Variants in SAMMSON observed in about 807,000 individuals in gnomAD.
The protein encoded by SAMMSON is long intergenic non-protein coding RNA 1212.
intron 4 of SAMMSON, among the ~76,000 whole-genome samples, chr3:70,136,150 G>A (rs553045683): frequency 6.6e-6 from 1 of 152,306 alleles, no homozygotes; most frequent in East Asian, 1.9e-4. Flanking sequence ...TGGGGAACGT[G>A]TGTAGTTGCC....
intron 9 of SAMMSON, among the ~76,000 whole-genome samples, chr3:70,371,914 T>C (rs1396721281): frequency 6.6e-6 from 1 of 152,140 alleles, no homozygotes; most frequent in Non-Finnish European, 1.5e-5. Flanking sequence ...TTTGTTCCAG[T>C]TCTTTGAAGA....
intron 4 of SAMMSON, among the ~76,000 whole-genome samples, chr3:70,159,320 C>T (rs2106692013): frequency 6.6e-6 from 1 of 151,672 alleles, no homozygotes; most frequent in Non-Finnish European, 1.5e-5. Flanking sequence ...TGCTATCCCT[C>T]CCCCATCCCC....
At chr3:70,330,621 A>G (rs955360719) in intron 7 of SAMMSON, among the ~76,000 whole-genome samples, 3 of 152,086 alleles carry the variant, frequency 2.0e-5, no homozygotes. Flanking sequence ...ACCCTGCTTG[A>G]TAATTATGTC....
At chr3:70,263,536 A>T (rs1166738778) in intron 6 of SAMMSON, among the ~76,000 whole-genome samples, 2 of 152,132 alleles carry the variant, frequency 1.3e-5, no homozygotes, top group East Asian at 3.9e-4. Context: ...AGATCTCTGG[A>T]AAATGTTTGG....
intron 4 of SAMMSON, among the ~76,000 whole-genome samples, chr3:70,153,767 A>G (rs139281576): frequency 3.1e-4 from 47 of 152,110 alleles, no homozygotes; most frequent in Middle Eastern, 3.4e-3. Context: ...ATGCATTCAC[A>G]CTGTTGTGCA....
At chr3:70,273,937 C>T (rs1701997702) in intron 6 of SAMMSON, among the ~76,000 whole-genome samples, 1 of 152,094 alleles carries the variant, frequency 6.6e-6, no homozygotes, top group Non-Finnish European at 1.5e-5. Context: ...AGAGCAGCCA[C>T]AGGCACACAG....
At chr3:70,309,679 A>C (rs1402349505) in intron 7 of SAMMSON, among the ~76,000 whole-genome samples, 2 of 152,126 alleles carry the variant, frequency 1.3e-5, no homozygotes. Flanking sequence ...TTTTCTTAAC[A>C]TTGAAAAAAA....
intron 7 of SAMMSON, among the ~76,000 whole-genome samples, chr3:70,340,581 G>A (rs1391225889): frequency 6.6e-6 from 1 of 151,960 alleles, no homozygotes; most frequent in Non-Finnish European, 1.5e-5. Flanking sequence ...GGGAACATGG[G>A]ATTTTATTGT....
intron 6 of SAMMSON, among the ~76,000 whole-genome samples, chr3:70,274,969 G>T (rs1255944329): frequency 6.6e-6 from 1 of 152,062 alleles, no homozygotes; most frequent in Admixed American, 6.6e-5. Context: ...ATTACTGTTT[G>T]AAACTATTTA....
intron 4 of SAMMSON, among the ~76,000 whole-genome samples, chr3:70,109,338 C>G (rs1422071991): frequency 4.6e-5 from 7 of 152,148 alleles, no homozygotes; most frequent in African/African-American, 1.7e-4. Context: ...TTCTCTCAGT[C>G]ATTTCCCCTA....
intron 6 of SAMMSON, among the ~76,000 whole-genome samples, chr3:70,252,582 C>T (rs2106653070): frequency 6.6e-6 from 1 of 152,244 alleles, no homozygotes; most frequent in African/African-American, 2.4e-5. Context: ...GGCCAGATAA[C>T]AGGAATGAGA....
At chr3:70,057,411 A>C (rs2067172015) in intron 3 of SAMMSON, among the ~76,000 whole-genome samples, 1 of 152,054 alleles carries the variant, frequency 6.6e-6, no homozygotes, top group Admixed American at 6.6e-5. Context: ...TCGTGGGACT[A>C]ACACAACACT....
At chr3:70,387,382 G>A (rs1703130791) in intron 9 of SAMMSON, among the ~76,000 whole-genome samples, 1 of 152,068 alleles carries the variant, frequency 6.6e-6, no homozygotes. Context: ...ACTCTGTCCT[G>A]TAGAATGCCT....
intron 4 of SAMMSON, chr3:70,205,975 C>A (rs1202067004): frequency 1.3e-5 from 2 of 151,700 alleles, no homozygotes; most frequent in African/African-American, 4.8e-5. Context: ...TTATTTAGCA[C>A]CAAAACAATT....
At chr3:70,073,664 C>T (rs2067238188) in intron 4 of SAMMSON, among the ~76,000 whole-genome samples, 1 of 151,578 alleles carries the variant, frequency 6.6e-6, no homozygotes, top group Admixed American at 6.6e-5. Context: ...TTCCCTCTCT[C>T]TTTGTTCCTC....
intron 4 of SAMMSON, among the ~76,000 whole-genome samples, chr3:70,096,551 G>C (rs2106651056): frequency 6.6e-6 from 1 of 152,192 alleles, no homozygotes; most frequent in South Asian, 2.1e-4. Flanking sequence ...CTCAAAGAGA[G>C]AGAGTCTGCT....
At chr3:70,092,186 GA>G (rs1409664038) in intron 4 of SAMMSON, among the ~76,000 whole-genome samples, 2 of 151,984 alleles carry the variant, frequency 1.3e-5, no homozygotes, top group African/African-American at 4.8e-5. Context: ...CACGAAATGA[GA>G]GTGGAATTAG....
chr3:70,418,979 T>TTCCTTCTCTC (rs68190708), intron 2 of SAMMSON, among the ~76,000 whole-genome samples: 4 of 67,294 alleles, frequency 5.9e-5, no homozygotes, highest in Non-Finnish European at 8.9e-5. Flanking sequence ...CCTTCCTTCC[T>TTCCTTCTCTC]TCTCTCTCTC....
chr3:70,092,676 G>A (rs1190497169), intron 4 of SAMMSON, among the ~76,000 whole-genome samples: 2 of 152,006 alleles, frequency 1.3e-5, no homozygotes, highest in Non-Finnish European at 2.9e-5. Context: ...TCATTACATT[G>A]CTCAGCACAC....
Sources: gnomAD v4.1 joint callset for allele counts (sites outside exome capture counted in the v4.1 genomes callset) on GRCh38, gnomAD v4.1.1 for gene constraint, MANE v1.5 for transcripts, NCBI Gene and HGNC (gene_info 2026-07-23, HGNC 2026-07-21) for gene names.